The following KHDRBS2 variants were observed in gnomAD, a reference collection of about 807,000 sequenced individuals.
KHDRBS2 encodes KH RNA binding domain containing, signal transduction associated 2, also known as KH domain-containing, RNA-binding, signal transduction-associated protein 2.
KHDRBS2 carries 26 observed loss-of-function variants against 44.3 expected under a neutral mutation model. The ratio of observed to expected loss-of-function variants is 0.59; its 90% CI spans 0.43 to 0.81. KHDRBS2 has a LOEUF of 0.81. KHDRBS2 is among the 40% of genes least tolerant of loss of function. The pLI, the probability that KHDRBS2 is intolerant of heterozygous loss-of-function variation, is 0.00. For missense variants in KHDRBS2, 476 were observed against 433.1 expected, an observed-to-expected ratio of 1.10 and a Z score of -0.88; for synonymous variants, 194 against 151.1, an observed-to-expected ratio of 1.28 and a Z score of -2.08.
chr6:62,091,476 C>T (rs867456456), intron 2 of KHDRBS2, among the ~76,000 whole-genome samples: 9 of 152,110 alleles, frequency 5.9e-5, no homozygotes, highest in African/African-American at 1.9e-4. Context: ...TTAAATGGGG[C>T]AGTCATTCCA....
At chr6:61,555,821 T>G in the KHDRBS2 span, among the ~76,000 whole-genome samples, 4 of 152,204 alleles carry the variant, frequency 2.6e-5, no homozygotes, top group Non-Finnish European at 5.9e-5. Context: ...GGCTATATGC[T>G]TTAACTTGGG....
chr6:62,186,574 T>C lies in KHDRBS2; in HGVS notation c.92-9262A>G, dbSNP rs184893154. Among the ~76,000 whole-genome samples the C allele has an allele frequency of 4.0e-5, 6 of 150,432 alleles. No individual in the cohort carries two copies. In the East Asian group the frequency reaches 1.2e-3, roughly 30 times the overall value. On this transcript the variant is annotated intron_variant, in intron 1 of 8. Transcript: ENST00000281156. ...CATTATATAAATGCTAGGAATATCA[T>C]ACATATTCATTTAAATATGAAATAG...
chr6:61,710,337 G>C (rs72874895), intron 7 of KHDRBS2, among the ~76,000 whole-genome samples: 3 of 151,716 alleles, frequency 2.0e-5, no homozygotes, highest in Non-Finnish European at 4.4e-5. Context: ...AAAGAGAAAG[G>C]AAATCAGAAT....
intron 4 of KHDRBS2, among the ~76,000 whole-genome samples, chr6:61,914,106 C>A (rs1806543334): frequency 6.6e-6 from 1 of 151,900 alleles, no homozygotes; most frequent in African/African-American, 2.4e-5. Context: ...AGACTGGAAA[C>A]AAGGAGAGAG....
chr6:62,283,787 TTTAA>T (rs1391513961), intron 1 of KHDRBS2, among the ~76,000 whole-genome samples: 3 of 152,128 alleles, frequency 2.0e-5, no homozygotes, highest in African/African-American at 4.8e-5. Context: ...TCTTACACTC[TTTAA>T]TTAGCACATG....
intron 2 of KHDRBS2, among the ~76,000 whole-genome samples, chr6:62,161,682 T>C (rs1348354854): frequency 6.6e-6 from 1 of 151,798 alleles, no homozygotes. Flanking sequence ...CTACATGTTT[T>C]ATAGCATTTT....
chr6:62,053,952 T>A (rs1205787384), intron 2 of KHDRBS2, among the ~76,000 whole-genome samples: 1 of 152,050 alleles, frequency 6.6e-6, no homozygotes, highest in Non-Finnish European at 1.5e-5. Flanking sequence ...AGATACCATT[T>A]ATATAGGAAT....
At chr6:61,737,481 C>G (rs753163676) in intron 6 of KHDRBS2, among the ~76,000 whole-genome samples, 9 of 152,024 alleles carry the variant, frequency 5.9e-5, no homozygotes, top group Non-Finnish European at 1.3e-4. Flanking sequence ...TATCATTAGA[C>G]AACCGTCACA....
At chr6:61,857,197 A>G (rs1246109062) in intron 6 of KHDRBS2, among the ~76,000 whole-genome samples, 1 of 152,098 alleles carries the variant, frequency 6.6e-6, no homozygotes, top group Non-Finnish European at 1.5e-5. Context: ...TATGAACTAC[A>G]TATTTCATCA....
chr6:61,552,273 T>C, the KHDRBS2 span, among the ~76,000 whole-genome samples: 2 of 150,362 alleles, frequency 1.3e-5, no homozygotes, highest in Non-Finnish European at 3.0e-5. Flanking sequence ...TTTTTATGGT[T>C]ATTGTGAATG....
chr6:61,712,994 C>A (rs779112114), intron 7 of KHDRBS2, among the ~76,000 whole-genome samples: 6 of 151,390 alleles, frequency 4.0e-5, no homozygotes, highest in African/African-American at 1.5e-4. Context: ...AAATTCTGAC[C>A]TAAAGTGATA....
intron 2 of KHDRBS2, among the ~76,000 whole-genome samples, chr6:62,072,800 C>G (rs983915811): frequency 6.6e-6 from 1 of 151,992 alleles, no homozygotes; most frequent in Non-Finnish European, 1.5e-5. Context: ...GTCTAAAATT[C>G]TCTTTTTTTG....
intron 2 of KHDRBS2, among the ~76,000 whole-genome samples, chr6:62,142,901 CTTGAT>C (rs1232856212): frequency 6.8e-6 from 1 of 146,478 alleles, no homozygotes; most frequent in Non-Finnish European, 1.5e-5. Flanking sequence ...ACTGAATTGA[CTTGAT>C]TTGTGTTTCA....
intron 5 of KHDRBS2, among the ~76,000 whole-genome samples, chr6:61,895,234 C>A (rs781024176): frequency 6.6e-6 from 1 of 151,778 alleles, no homozygotes; most frequent in Non-Finnish European, 1.5e-5. Flanking sequence ...CTCACTGGAC[C>A]ATCTCTGAAA....
At chr6:62,269,820 G>A (rs1276567259) in intron 1 of KHDRBS2, among the ~76,000 whole-genome samples, 2 of 151,912 alleles carry the variant, frequency 1.3e-5, no homozygotes, top group African/African-American at 4.8e-5. Context: ...ACACTGAAAG[G>A]AGCCCATATG....
At chr6:61,969,014 GTTAA>G (rs1816920010) in intron 4 of KHDRBS2, among the ~76,000 whole-genome samples, 1 of 151,970 alleles carries the variant, frequency 6.6e-6, no homozygotes, top group East Asian at 1.9e-4. Context: ...TTAGAAACCT[GTTAA>G]TTGTTTTGAG....
chr6:61,983,120 G>C (rs1262760224), intron 3 of KHDRBS2, among the ~76,000 whole-genome samples: 2 of 151,736 alleles, frequency 1.3e-5, no homozygotes, highest in Non-Finnish European at 2.9e-5. Flanking sequence ...CCATAGTTTG[G>C]ACTGGAATGT....
At chr6:62,004,131 G>A (rs1243452766) in intron 3 of KHDRBS2, among the ~76,000 whole-genome samples, 4 of 152,126 alleles carry the variant, frequency 2.6e-5, no homozygotes, top group Non-Finnish European at 5.9e-5. Flanking sequence ...AAAGCTAGCA[G>A]AAGGCAAGAA....
rs938110059 is a variant in KHDRBS2, at chr6:61,849,343, C to G, written c.810+45292G>C. Among the ~76,000 whole-genome samples the G allele has an allele frequency of 3.0e-4, 45 of 152,152 alleles. 1 individual carries two copies. Among genetic ancestry groups the G allele is most frequent in the African/African-American group, 1.1e-3 (45 of 41,536 alleles). On this transcript the variant is annotated intron_variant, in intron 6 of 8. Transcript: ENST00000281156. Reference sequence around the variant, plus strand: ...TCTGAGAGTAATGATTTCACCTCTTCAGAAATTATTCCTTCACACAAATAT... The same window carrying G: ...TCTGAGAGTAATGATTTCACCTCTTGAGAAATTATTCCTTCACACAAATAT...
Sources: allele counts gnomAD v4.1 joint callset (sites outside exome capture counted in the v4.1 genomes callset), GRCh38; gene constraint gnomAD v4.1.1; transcripts MANE v1.5; gene names NCBI Gene and HGNC (gene_info 2026-07-23, HGNC 2026-07-21).